Variants in ERCC2 observed in about 807,000 individuals in gnomAD.
The protein encoded by ERCC2 is ERCC excision repair 2, TFIIH core complex helicase subunit, also known as general transcription and DNA repair factor IIH helicase subunit XPD.
Under a neutral mutation model 99.4 loss-of-function variants are expected in ERCC2, and 90 were observed. The ratio of observed to expected loss-of-function variants is 0.91; its 90% confidence interval spans 0.76 to 1.08. The LOEUF is 1.08. Among genes scored for constraint, ERCC2 ranks in the 50% least tolerant of loss-of-function variants. The probability of loss-of-function intolerance (pLI) is 0.00; values close to 1 mark genes in which losing one functional copy is unlikely to be tolerated. For synonymous variants in ERCC2, 497 were observed against 432.4 expected, an observed-to-expected ratio of 1.15 and a Z score of -1.85; for missense variants, 993 against 1,038.1, an observed-to-expected ratio of 0.96 and a Z score of 0.60.
Position 45,352,612 on chromosome 19 carries a change from C to A in ERCC2, c.1940G>T (p.Arg647Leu), listed in dbSNP as rs149818919. ...LEYLRDQFQI[R>L]ENDFLTFDAM... ...ATCGAAGGTAAGAAAGTCATTCTCACGAATCTGGAACTGGTCCCGCAGGTA... is the reference window on the plus strand; with the variant it reads ...ATCGAAGGTAAGAAAGTCATTCTCAAGAATCTGGAACTGGTCCCGCAGGTA... The change falls in exon 21 of 23, where the codon CGT becomes CTT. Residue 647 changes from arginine (R) to leucine (L), a missense_variant. Coordinates refer to ENST00000391945, the MANE Select transcript of ERCC2 (RefSeq NM_000400.4). 29 of 1,613,994 alleles carry A rather than the reference C, an allele frequency of 1.8e-5. No homozygotes were observed. The African/African-American group carries it at 2.7e-4, about 15-fold the overall frequency.
intron 22 of ERCC2, 51 bp downstream of exon 22, chr19:45,352,158 G>C (rs751161292): frequency 1.9e-6 from 3 of 1,600,622 alleles, no homozygotes; most frequent in African/African-American, 1.3e-5. Flanking sequence ...GGGACTTTCT[G>C]GAGGAGAAGC....
In ERCC2 at chr19:45,357,283, C is replaced by G. The variant is rs765647206; in HGVS notation, c.1466G>C (p.Cys489Ser). The G allele has an allele frequency of 6.2e-7, 1 of 1,613,526 alleles. No homozygotes were observed. Among genetic ancestry groups the G allele is most frequent in the African/African-American group, 1.3e-5 (1 of 75,044 alleles). Residue 489 changes from cysteine to serine, a missense_variant, in exon 15 of 23, where the codon TGC (cysteine) becomes TCC (serine). This residue lies in a region of ERCC2 where 909 missense variants were observed against 930.8 expected (regional missense o/e 0.98). Coordinates refer to ENST00000391945, the MANE Select transcript of ERCC2 (RefSeq NM_000400.4). ...TCTCCCACTCACCATAGGGCAGAGGCAGACCCGTGCCAGCGTCATGGTGAA... is the reference window on the plus strand; with the variant it reads ...TCTCCCACTCACCATAGGGCAGAGGGAGACCCGTGCCAGCGTCATGGTGAA... ...ATFTMTLARV[C>S]LCPMIIGRGN...
At chr19:45,358,523 C>T in intron 12 of ERCC2, 1 of 376,062 alleles carries the variant, frequency 2.7e-6, no homozygotes, top group East Asian at 5.5e-5. Flanking sequence ...ATGTCACCTC[C>T]CCGCCCCAAG....
At chr19:45,357,745 A>G (rs750930782) in intron 12 of ERCC2, 46 bp from the exon 13 acceptor site, 2 of 1,539,208 alleles carry the variant, frequency 1.3e-6, no homozygotes, top group Non-Finnish European at 1.8e-6. Context: ...CACTACAGCC[A>G]CAGCTGCACC....
chr19:45,367,871 C>T (rs997771407), intron 5 of ERCC2, among the ~76,000 whole-genome samples: 3 of 150,830 alleles, frequency 2.0e-5, no homozygotes, highest in African/African-American at 7.3e-5. Context: ...TGTCATATAT[C>T]ATTATGCATA....
rs201896304 is a variant in ERCC2 at position 45,364,555 on chromosome 19, G to A, written c.595-8C>T. 2 of 1,611,954 alleles carry A rather than the reference G, an allele frequency of 1.2e-6. No individual in the cohort carries two copies. The highest frequency in any genetic ancestry group is 1.3e-5 in the African/African-American group (1 of 74,860). On this transcript the variant is annotated splice_polypyrimidine_tract_variant and splice_region_variant and intron_variant, in intron 7 of 22. Transcript: ENST00000391945. ...CACATTGGCATGCAGGATCTGGGGG[G>A]CCGGGGAGCAGGGTTACCAGGGCCC...
Position 45,357,640 on chromosome 19 carries a change from G to C in ERCC2, c.1297C>G (p.Leu433Val). 6.2e-7 allele frequency: 1 copy of C among 1,614,138 alleles called. No individual in the cohort carries two copies. The highest frequency in any genetic ancestry group is 8.5e-7 in the Non-Finnish European group (1 of 1,180,014). ...CGGGCAGGGTCCCACCTGAAGTGCA[G>C]GATGGGGTTGGCAATGGTCGGGGTT... ...DRTPTIANPI[L>V]HFSCMDASLA... is the part of the protein sequence containing the mutation. The change falls in exon 13 of 23, where the codon CTG (leucine) becomes GTG (valine). Residue 433 changes from leucine (L) to valine (V), a missense_variant. By Grantham distance (32) the Leu-to-Val change is conservative (BLOSUM62 1). This residue lies in a region of ERCC2 where 909 missense variants were observed against 930.8 expected (regional missense o/e 0.98). Transcript: ENST00000391945.
chr19:45,370,238 G>A lies in ERCC2; in HGVS notation c.6-6C>T, dbSNP rs761215265. On this transcript the variant is annotated splice_polypyrimidine_tract_variant and splice_region_variant and intron_variant, in intron 1 of 22. Transcript: ENST00000391945. ...GGAGCCCGTCCACGTTGAGCCTGGC[G>A]GCAGGGGCTGCTGGGTCAGTTCCCG... 23 of 1,612,980 alleles carry A rather than the reference G, an allele frequency of 1.4e-5. 1 individual carries two copies. In the Admixed American group the frequency reaches 1.8e-4, roughly 13 times the overall value.
chr19:45,357,898 G>C (rs1042799092), intron 12 of ERCC2, 199 bp from the exon 13 acceptor site: 12 of 631,684 alleles, frequency 1.9e-5, no homozygotes, highest in Non-Finnish European at 3.4e-5. Context: ...TGTCCGCTTC[G>C]GGCCCACACC....
intron 12 of ERCC2, chr19:45,358,543 A>G (rs1972094057): frequency 9.9e-6 from 4 of 405,820 alleles, no homozygotes; most frequent in South Asian, 7.8e-5. Context: ...GAAGCCTCCC[A>G]TGGCCCCCAC....
At position 45,350,315 on chromosome 19, in the gene ERCC2, G is replaced by T. The variant is rs1348884546; in HGVS notation, c.*1314C>A. The T allele has an allele frequency of 6.3e-7, 1 of 1,595,390 alleles. No homozygotes were observed. ...AGTGTTGGGAACTGGGGTCCGAAAA[G>T]TTCCCAGACACTCCCTTCTCCGCAG... is the stretch of plus-strand genomic sequence containing the variant. On this transcript the variant is annotated 3_prime_UTR_variant, in exon 23 of 23. Transcript: ENST00000391945.
In ERCC2 at chr19:45,350,319, C is replaced by CCAGA. The variant is rs1971669520; in HGVS notation, c.*1306_*1309dup. On this transcript the variant is annotated 3_prime_UTR_variant, in exon 23 of 23. Coordinates refer to ENST00000391945, the MANE Select transcript of ERCC2 (RefSeq NM_000400.4). ...TTGGGAACTGGGGTCCGAAAAGTTC[C>CCAGA]CAGACACTCCCTTCTCCGCAGGCCT... The CCAGA allele has an allele frequency of 2.5e-6, 4 of 1,609,242 alleles. No homozygotes were observed. Among genetic ancestry groups the CCAGA allele is most frequent in the Non-Finnish European group, 3.4e-6 (4 of 1,177,500 alleles).
intron 22 of ERCC2, 54 bp from the exon 23 acceptor site, chr19:45,351,775 C>A: frequency 6.5e-7 from 1 of 1,536,246 alleles, no homozygotes; most frequent in South Asian, 1.1e-5. Context: ...GGGGCCCAGG[C>A]AGCTGCTGCA....
chr19:45,365,457 A>C, intron 5 of ERCC2, among the ~76,000 whole-genome samples: 1 of 152,152 alleles, frequency 6.6e-6, no homozygotes, highest in African/African-American at 2.4e-5. Context: ...TCCACTAAAA[A>C]TACATTAGCC....
intron 1 of ERCC2, 71 bp downstream of exon 1, chr19:45,370,465 G>GC (rs1454589401): frequency 7.0e-7 from 1 of 1,430,262 alleles, no homozygotes; most frequent in Non-Finnish European, 9.3e-7. Context: ...ACCCAGGCGC[G>GC]CCCACCGATG....
intron 13 of ERCC2, 29 bp from the exon 14 acceptor site, chr19:45,357,572 C>T (rs1555776696): frequency 1.1e-5 from 17 of 1,613,836 alleles, no homozygotes; most frequent in Middle Eastern, 1.7e-4. Context: ...AGTGAGGGCC[C>T]GGGGGGCTGG....
chr19:45,365,825 T>A (rs2123299795), intron 5 of ERCC2, among the ~76,000 whole-genome samples: 1 of 152,126 alleles, frequency 6.6e-6, no homozygotes, highest in African/African-American at 2.4e-5. Context: ...GTTACATTCT[T>A]ACAACTACAA....
chr19:45,366,696 C>T (rs1413955179), intron 5 of ERCC2, among the ~76,000 whole-genome samples: 6 of 152,188 alleles, frequency 3.9e-5, no homozygotes, highest in Non-Finnish European at 7.3e-5. Flanking sequence ...AGGCAGCCAG[C>T]CCTTCCTTCT....
Position 45,351,538 on chromosome 19 carries a change from A to C in ERCC2, c.*91T>G. ...ACAGTGAGAAATGTCACCTGACTTCATAAGACCTTCTAGCACCACCGCCGC... is the reference window on the plus strand; with the variant it reads ...ACAGTGAGAAATGTCACCTGACTTCCTAAGACCTTCTAGCACCACCGCCGC... On this transcript the variant is annotated 3_prime_UTR_variant, in exon 23 of 23. Coordinates refer to ENST00000391945, the MANE Select transcript of ERCC2 (RefSeq NM_000400.4). The C allele has an allele frequency of 1.2e-6, 2 of 1,604,934 alleles. No individual in the cohort carries two copies. Among genetic ancestry groups the C allele is most frequent in the Non-Finnish European group, 1.7e-6 (2 of 1,179,630 alleles).
Sources: gnomAD v4.1 joint callset for allele counts (sites outside exome capture counted in the v4.1 genomes callset) on GRCh38, gnomAD v4.1.1 for gene constraint, gnomAD v4.1.1 regional missense constraint, MANE v1.5 for transcripts, NCBI Gene and HGNC (gene_info 2026-07-23, HGNC 2026-07-21) for gene names.